DPP10: variants seen among roughly 807,000 people sequenced by gnomAD.
The protein encoded by DPP10 is inactive dipeptidyl peptidase 10.
DPP10 carries 33 observed loss-of-function variants against 120.9 expected under a neutral mutation model. The observed-to-expected ratio is 0.27, with a 90% CI of 0.21 to 0.37. The LOEUF (loss-of-function observed/expected upper bound fraction) is 0.37, where lower values mean the gene tolerates loss of function less well. Among genes scored for constraint, DPP10 ranks in the 10% least tolerant of loss-of-function variants. The pLI is 1.00. For synonymous variants in DPP10, 337 were observed against 326.1 expected, an observed-to-expected ratio of 1.03 and a Z score of -0.36; for missense variants, 816 against 942.8, an observed-to-expected ratio of 0.87 and a Z score of 1.76.
intron 1 of DPP10, among the ~76,000 whole-genome samples, chr2:115,291,155 C>T (rs1179310573): frequency 3.9e-5 from 6 of 151,950 alleles, no homozygotes; most frequent in East Asian, 3.9e-4. Flanking sequence ...AGGTATGTGC[C>T]GCCATGCCTG....
chr2:114,476,541 T>C (rs905333537), intron 1 of DPP10, among the ~76,000 whole-genome samples: 4 of 152,296 alleles, frequency 2.6e-5, no homozygotes, highest in East Asian at 1.9e-4. Context: ...GTGGCTCTTT[T>C]TGAGAAACAA....
At chr2:114,768,228 A>G (rs1467868915) in intron 1 of DPP10, among the ~76,000 whole-genome samples, 1 of 152,208 alleles carries the variant, frequency 6.6e-6, no homozygotes, top group Non-Finnish European at 1.5e-5. Flanking sequence ...TCTGGTAGAT[A>G]AAAGCAGAGA....
intron 5 of DPP10, among the ~76,000 whole-genome samples, chr2:115,669,556 T>A (rs1251344232): frequency 6.6e-6 from 1 of 152,126 alleles, no homozygotes; most frequent in African/African-American, 2.4e-5. Context: ...TAATAATACA[T>A]ATCTTTATTT....
At chr2:115,086,471 T>G (rs1304070363) in intron 1 of DPP10, among the ~76,000 whole-genome samples, 1 of 63,614 alleles carries the variant, frequency 1.6e-5, no homozygotes, top group East Asian at 3.8e-4. Flanking sequence ...TTTTTTTTTT[T>G]TGTGACGGAG....
At chr2:114,627,135 G>T (rs1573825738) in intron 1 of DPP10, among the ~76,000 whole-genome samples, 1 of 152,116 alleles carries the variant, frequency 6.6e-6, no homozygotes, top group East Asian at 1.9e-4. Context: ...GATCATCTGG[G>T]TGCACAATAC....
At chr2:115,035,245 T>G (rs1704147005) in intron 1 of DPP10, among the ~76,000 whole-genome samples, 1 of 152,220 alleles carries the variant, frequency 6.6e-6, no homozygotes, top group Non-Finnish European at 1.5e-5. Context: ...TAAACATTAC[T>G]CTTTCCCTAC....
intron 1 of DPP10, among the ~76,000 whole-genome samples, chr2:114,876,287 C>A (rs1374378757): frequency 6.6e-6 from 1 of 152,018 alleles, no homozygotes; most frequent in South Asian, 2.1e-4. Context: ...GCAGGAAAAG[C>A]CACAGAGCAG....
chr2:114,734,027 G>C (rs1367217972), intron 1 of DPP10, among the ~76,000 whole-genome samples: 1 of 152,096 alleles, frequency 6.6e-6, no homozygotes, highest in African/African-American at 2.4e-5. Context: ...TCATCAGATA[G>C]GTTTTATTTA....
chr2:114,890,959 C>T (rs1488063549), intron 1 of DPP10, among the ~76,000 whole-genome samples: 1 of 152,066 alleles, frequency 6.6e-6, no homozygotes, highest in Non-Finnish European at 1.5e-5. Context: ...AATGCTGTTG[C>T]TCCACATAGG....
intron 3 of DPP10, among the ~76,000 whole-genome samples, chr2:115,395,918 A>G (rs2067647655): frequency 2.0e-5 from 3 of 152,146 alleles, no homozygotes; most frequent in Admixed American, 1.3e-4. Context: ...TATATATTAT[A>G]TTCTCAAATG....
intron 12 of DPP10, among the ~76,000 whole-genome samples, chr2:115,767,687 G>T (rs1276869394): frequency 6.6e-6 from 1 of 152,024 alleles, no homozygotes; most frequent in African/African-American, 2.4e-5. Flanking sequence ...GGTCACAGTT[G>T]TAGGTGGGCA....
intron 1 of DPP10, among the ~76,000 whole-genome samples, chr2:114,847,602 A>T (rs1688641434): frequency 6.6e-6 from 1 of 152,210 alleles, no homozygotes; most frequent in African/African-American, 2.4e-5. Flanking sequence ...GAAGCAGTTC[A>T]TCTATAGAAA....
intron 1 of DPP10, among the ~76,000 whole-genome samples, chr2:115,203,609 C>G (rs566819249): frequency 6.6e-6 from 1 of 151,646 alleles, no homozygotes; most frequent in Non-Finnish European, 1.5e-5. Context: ...TTTTCTACCT[C>G]AGGAAAATTA....
chr2:115,543,816 G>C (rs1017266537), intron 5 of DPP10, among the ~76,000 whole-genome samples: 2 of 151,914 alleles, frequency 1.3e-5, no homozygotes, highest in Admixed American at 1.3e-4. Flanking sequence ...ACATTTGATT[G>C]TTATTCCTTC....
intron 1 of DPP10, among the ~76,000 whole-genome samples, chr2:114,922,496 GA>G (rs1695270365): frequency 6.6e-6 from 1 of 152,112 alleles, no homozygotes; most frequent in African/African-American, 2.4e-5. Context: ...ATTTTTAGTA[GA>G]GATGGGGTTT....
chr2:115,560,655 C>A (rs1160742206), intron 5 of DPP10, among the ~76,000 whole-genome samples: 1 of 150,986 alleles, frequency 6.6e-6, no homozygotes, highest in East Asian at 2.0e-4. Flanking sequence ...CCTTCTCTTG[C>A]CCAGGCTGGA....
intron 1 of DPP10, among the ~76,000 whole-genome samples, chr2:115,284,516 T>C (rs1003944913): frequency 6.6e-6 from 1 of 152,050 alleles, no homozygotes; most frequent in Non-Finnish European, 1.5e-5. Flanking sequence ...GCACAAAATA[T>C]TATCTGTAAT....
chr2:115,025,936 G>A (rs1347279880), intron 1 of DPP10, among the ~76,000 whole-genome samples: 1 of 151,840 alleles, frequency 6.6e-6, no homozygotes, highest in Non-Finnish European at 1.5e-5. Flanking sequence ...TTGTCAGGTG[G>A]TTACTCTGTA....
chr2:115,467,525 C>T (rs1326137869), intron 3 of DPP10, among the ~76,000 whole-genome samples: 1 of 150,596 alleles, frequency 6.6e-6, no homozygotes, highest in Non-Finnish European at 1.5e-5. Context: ...TGCAGTGAGC[C>T]GAGATCACAC....
Sources: gnomAD v4.1 joint callset for allele counts (sites outside exome capture counted in the v4.1 genomes callset) on GRCh38, gnomAD v4.1.1 for gene constraint, MANE v1.5 for transcripts, NCBI Gene and HGNC (gene_info 2026-07-23, HGNC 2026-07-21) for gene names.